Variants in PLVAP observed in about 807,000 individuals in gnomAD.
PLVAP encodes plasmalemma vesicle associated protein, also known as plasmalemma vesicle-associated protein.
A neutral mutation model predicts 43.1 loss-of-function variants in PLVAP; 34 were observed. The observed-to-expected ratio is 0.79, with a 90% CI of 0.60 to 1.05. The LOEUF (loss-of-function observed/expected upper bound fraction) is 1.05, where lower values mean the gene tolerates loss of function less well. Ranked by LOEUF, PLVAP falls within the 50% of genes least tolerant of loss-of-function variation. The pLI is 0.00. For missense variants in PLVAP, 574 were observed against 593.4 expected, an observed-to-expected ratio of 0.97 and a Z score of 0.34; for synonymous variants, 241 against 237.3, an observed-to-expected ratio of 1.02 and a Z score of -0.14.
intron 5 of PLVAP, among the ~76,000 whole-genome samples, chr19:17,359,383 G>C (rs979666348): frequency 6.6e-6 from 1 of 151,500 alleles, no homozygotes; most frequent in African/African-American, 2.4e-5. Flanking sequence ...CAAAGTGCTG[G>C]GATTACAGGC....
chr19:17,360,913 T>TA, intron 3 of PLVAP, 81 bp from the exon 4 acceptor site: 48 of 1,229,826 alleles, frequency 3.9e-5, no homozygotes, highest in African/African-American at 6.4e-5. Flanking sequence ...CTTTTCTTTT[T>TA]CTTTTTTTTT....
At chr19:17,374,192 A>C (rs944853026) in intron 1 of PLVAP, among the ~76,000 whole-genome samples, 1 of 151,642 alleles carries the variant, frequency 6.6e-6, no homozygotes, top group Non-Finnish European at 1.5e-5. Context: ...AACAGCCGGG[A>C]ACGGTGGCTC....
rs150753312 is a variant in PLVAP, at chr19:17,365,626, C to T, written c.839G>A (p.Ser280Asn). Residue 280 changes from serine to asparagine, a missense_variant, in exon 3 of 6, where the codon AGC (serine) becomes AAC (asparagine). Coordinates refer to ENST00000252590, the MANE Select transcript of PLVAP (RefSeq NM_031310.3). ...CCGGGCCAGCTCCTCCACCTTGGAGCTCATGAGGCTGGGCATGTGGTCGCA... is the reference window on the plus strand; with the variant it reads ...CCGGGCCAGCTCCTCCACCTTGGAGTTCATGAGGCTGGGCATGTGGTCGCA... ...RACDHMPSLM[S>N]SKVEELARSL... is the part of the protein sequence containing the mutation. The T allele has an allele frequency of 3.1e-5, 50 of 1,613,458 alleles. No individual in the cohort carries two copies. The African/African-American group carries it at 6.4e-4, about 21-fold the overall frequency.
chr19:17,360,154 C>T (rs1395925609), intron 5 of PLVAP, among the ~76,000 whole-genome samples: 1 of 152,188 alleles, frequency 6.6e-6, no homozygotes, highest in Admixed American at 6.5e-5. Flanking sequence ...CCTCACTCTC[C>T]TCATCTGGAA....
Position 17,377,242 on chromosome 19 carries a change from C to T in PLVAP, c.47G>A (p.Gly16Asp). The T allele has an allele frequency of 1.2e-6, 2 of 1,613,954 alleles. No individual in the cohort carries two copies. The highest frequency in any genetic ancestry group is 1.3e-5 in the African/African-American group (1 of 75,046). Residue 16 changes from glycine (G) to aspartate (D), a missense_variant, in exon 1 of 6, where the codon GGC (glycine) becomes GAC (aspartate). By Grantham distance (94) the Gly-to-Asp change is moderately conservative. Coordinates refer to ENST00000252590, the MANE Select transcript of PLVAP (RefSeq NM_031310.3). ...GTAATACCAGCAGCCCCGAGAGCTG[C>T]CCCCCGCCCGAGCGTAGGACCCTCC... ...EHGGSYARAG[G>D]SSRGCWYYLR... is the part of the protein sequence containing the mutation.
chr19:17,377,100 G>T lies in PLVAP; in HGVS notation c.189C>A (p.Thr63=). ...HVSTESNLQA[T]ERRAEGLYSQ... is the part of the protein sequence containing the mutation. ...TGTATAGGCCCTCGGCTCGGCGCTC[G>T]GTGGCCTGCAGGTTGGACTCTGTGC... is the stretch of plus-strand genomic sequence containing the variant. Residue 63 remains threonine (T), a synonymous_variant, in exon 1 of 6, where the codon ACC becomes ACA. Coordinates refer to ENST00000252590, the MANE Select transcript of PLVAP (RefSeq NM_031310.3). The T allele has an allele frequency of 6.2e-7, 1 of 1,614,120 alleles. No homozygotes were observed. Among genetic ancestry groups the T allele is most frequent in the South Asian group, 1.1e-5 (1 of 91,074 alleles).
intron 1 of PLVAP, among the ~76,000 whole-genome samples, chr19:17,371,151 A>T (rs2074570591): frequency 6.6e-6 from 1 of 151,914 alleles, no homozygotes; most frequent in African/African-American, 2.4e-5. Flanking sequence ...AGCTGTTTTT[A>T]AAAATTATTT....
intron 1 of PLVAP, among the ~76,000 whole-genome samples, chr19:17,367,105 G>A (rs73016437): frequency 6.6e-6 from 1 of 151,524 alleles, no homozygotes. Context: ...ACCACTCCTG[G>A]CCAATTTTTT....
chr19:17,369,195 TG>T (rs1176946932), intron 1 of PLVAP, among the ~76,000 whole-genome samples: 1 of 151,494 alleles, frequency 6.6e-6, no homozygotes, highest in Non-Finnish European at 1.5e-5. Flanking sequence ...TTTTTGTTGT[TG>T]TTTTTGAGAC....
At chr19:17,360,914 CTTTTTTTTT>C (rs71336607) in intron 3 of PLVAP, 82 bp from the exon 4 acceptor site, 12 of 904,634 alleles carry the variant, frequency 1.3e-5, no homozygotes, top group African/African-American at 1.3e-4. Context: ...TTTTCTTTTT[CTTTTTTTTT>C]TTTTTTTTGA....
intron 1 of PLVAP, among the ~76,000 whole-genome samples, chr19:17,371,725 C>T (rs751197721): frequency 1.3e-5 from 2 of 152,138 alleles, no homozygotes; most frequent in Non-Finnish European, 2.9e-5. Flanking sequence ...TCAAGCAATC[C>T]ACCCACCTTG....
At chr19:17,357,716 C>T (rs1290743884) in intron 5 of PLVAP, among the ~76,000 whole-genome samples, 4 of 152,066 alleles carry the variant, frequency 2.6e-5, no homozygotes, top group African/African-American at 9.7e-5. Flanking sequence ...CCCAAGTTGC[C>T]CAGTTAACCC....
chr19:17,375,685 C>G (rs867223783), intron 1 of PLVAP, among the ~76,000 whole-genome samples: 1 of 151,960 alleles, frequency 6.6e-6, no homozygotes, highest in Non-Finnish European at 1.5e-5. Context: ...AGTTTGAGAC[C>G]AGCCTGGCAA....
chr19:17,369,122 A>C (rs1483237529), intron 1 of PLVAP, among the ~76,000 whole-genome samples: 1 of 152,126 alleles, frequency 6.6e-6, no homozygotes, highest in Non-Finnish European at 1.5e-5. Context: ...AAATTAATAC[A>C]AATGCTAACA....
In PLVAP at chr19:17,365,886, C is replaced by G. The variant is rs149362987; in HGVS notation, c.579G>C (p.Ala193=). The change falls in exon 3 of 6, where the codon GCG becomes GCC. Residue 193 remains alanine, a synonymous_variant. Transcript: ENST00000252590. The stretch of plus-strand genomic sequence containing the variant: ...TCACGCATTCAACCAGCTGTTCCTC[C>G]GCCACGCGTTTGTTCAGCAGCACGC... The part of the protein sequence containing the change: ...KESVLLNKRV[A]EEQLVECVKT... 883 of 1,614,024 alleles carry G rather than the reference C, an allele frequency of 5.5e-4. 3 individuals carry two copies. In the African/African-American group the frequency reaches 9.1e-3, roughly 17 times the overall value.
intron 1 of PLVAP, among the ~76,000 whole-genome samples, chr19:17,366,936 CG>C (rs1382454401): frequency 2.5e-5 from 3 of 121,648 alleles, no homozygotes; most frequent in Non-Finnish European, 3.3e-5. Flanking sequence ...GTGCCCGGCT[CG>C]AATTTTTTTT....
At chr19:17,368,133 A>G (rs1259919535) in intron 1 of PLVAP, among the ~76,000 whole-genome samples, 2 of 125,088 alleles carry the variant, frequency 1.6e-5, no homozygotes, top group Non-Finnish European at 3.3e-5. Flanking sequence ...GTGCAATGGC[A>G]TGATCTCGGC....
intron 5 of PLVAP, among the ~76,000 whole-genome samples, chr19:17,355,261 T>TAAA (rs1555728897): frequency 2.7e-4 from 40 of 145,886 alleles, no homozygotes; most frequent in African/African-American, 9.8e-4. Context: ...ATAATAATAA[T>TAAA]AAAATAAATA....
rs766032112 is a variant in PLVAP, at chr19:17,361,588, C to T, written c.1180-756G>A. Among the ~76,000 whole-genome samples the T allele has an allele frequency of 2.5e-4, 38 of 152,144 alleles. 1 individual carries two copies. Among genetic ancestry groups the T allele is most frequent in the African/African-American group, 8.7e-4 (36 of 41,442 alleles). On this transcript the variant is annotated intron_variant, in intron 3 of 5. Coordinates refer to ENST00000252590, the MANE Select transcript of PLVAP (RefSeq NM_031310.3). ...ACCCCTGGAATATCCCTGAGCCAAT[C>T]CCCCAAAACCTGAAATCCAAAGCCA...
Sources: gnomAD v4.1 joint callset for allele counts (sites outside exome capture counted in the v4.1 genomes callset) on GRCh38, gnomAD v4.1.1 for gene constraint, MANE v1.5 for transcripts, NCBI Gene and HGNC (gene_info 2026-07-23, HGNC 2026-07-21) for gene names.